Variants in TRPC7 observed in about 807,000 individuals in gnomAD.
The protein encoded by TRPC7 is short transient receptor potential channel 7.
A neutral mutation model predicts 90.1 loss-of-function variants in TRPC7; 42 were observed. The observed-to-expected ratio is 0.47, with a 90% CI of 0.36 to 0.60. The LOEUF (loss-of-function observed/expected upper bound fraction) is 0.60, where lower values mean the gene tolerates loss of function less well. TRPC7 is among the 20% of genes least tolerant of loss of function. TRPC7 has a pLI of 0.00. For missense variants in TRPC7, 955 were observed against 1,112.3 expected (o/e 0.86, Z 2.01); for synonymous variants, 451 against 436.3 (o/e 1.03, Z -0.42).
At chr5:136,309,596 G>T (rs1758761421) in intron 3 of TRPC7, among the ~76,000 whole-genome samples, 1 of 152,150 alleles carries the variant, frequency 6.6e-6, no homozygotes, top group Non-Finnish European at 1.5e-5. Context: ...TTCACTATAA[G>T]TGGCGAGCAG....
intron 5 of TRPC7, among the ~76,000 whole-genome samples, chr5:136,259,343 G>A (rs920660225): frequency 1.3e-5 from 2 of 152,130 alleles, no homozygotes; most frequent in African/African-American, 4.8e-5. Flanking sequence ...CACTGGTTAG[G>A]AACTCATTCA....
intron 10 of TRPC7, among the ~76,000 whole-genome samples, chr5:136,223,617 CAATAAATAAATAA>C (rs1175246375): frequency 1.3e-5 from 2 of 149,612 alleles, no homozygotes; most frequent in Non-Finnish European, 3.0e-5. Context: ...TGTCTAAAAT[CAATAAATAAATAA>C]AGTAAAAAAA....
At chr5:136,230,632 G>T (rs543851304) in intron 8 of TRPC7, among the ~76,000 whole-genome samples, 39 of 152,248 alleles carry the variant, frequency 2.6e-4, no homozygotes, top group African/African-American at 9.1e-4. Context: ...TCCTATTAAT[G>T]CTCAGTTTGT....
At chr5:136,241,869 T>C (rs1228428775) in intron 7 of TRPC7, among the ~76,000 whole-genome samples, 1 of 152,200 alleles carries the variant, frequency 6.6e-6, no homozygotes, top group Admixed American at 6.5e-5. Context: ...GCACCCTTTT[T>C]CTATGCATTG....
intron 7 of TRPC7, among the ~76,000 whole-genome samples, chr5:136,246,083 C>T (rs930905112): frequency 2.0e-5 from 3 of 152,204 alleles, no homozygotes; most frequent in African/African-American, 7.2e-5. Flanking sequence ...GCTCCATCAC[C>T]ACTTCCACGG....
intron 7 of TRPC7, among the ~76,000 whole-genome samples, chr5:136,235,615 T>C (rs766271628): frequency 1.3e-5 from 2 of 152,166 alleles, no homozygotes; most frequent in Non-Finnish European, 2.9e-5. Context: ...ACCCAGGGCA[T>C]GGGGTGGAAA....
At chr5:136,284,842 T>C (rs1757658823) in intron 3 of TRPC7, among the ~76,000 whole-genome samples, 1 of 152,134 alleles carries the variant, frequency 6.6e-6, no homozygotes, top group South Asian at 2.1e-4. Flanking sequence ...CTGCAAAACA[T>C]TTGGGCTCCA....
chr5:136,365,481 C>G lies in TRPC7; in HGVS notation c.-227G>C. On this transcript the variant is annotated 5_prime_UTR_variant, in exon 1 of 12. Coordinates refer to ENST00000513104, the MANE Select transcript of TRPC7 (RefSeq NM_020389.3). ...GCCTTCCGAGGCAGAACCGTGTTACCGTCCTTTTCCTAATCGGGGGGAAAT... is the reference window on the plus strand; with the variant it reads ...GCCTTCCGAGGCAGAACCGTGTTACGGTCCTTTTCCTAATCGGGGGGAAAT... The G allele has an allele frequency of 3.5e-6, 2 of 571,570 alleles. No homozygotes were observed. Among genetic ancestry groups the G allele is most frequent in the Non-Finnish European group, 6.2e-6 (2 of 321,492 alleles). 35.4% of individuals were successfully genotyped at this position (571,570 alleles called of 1,614,324 possible).
At chr5:136,351,193 C>T (rs1014446162) in intron 2 of TRPC7, among the ~76,000 whole-genome samples, 1 of 152,072 alleles carries the variant, frequency 6.6e-6, no homozygotes, top group Non-Finnish European at 1.5e-5. Context: ...GATGTGGAAC[C>T]GTGGATAGAT....
At chr5:136,320,446 TAC>T (rs1234104044) in intron 2 of TRPC7, among the ~76,000 whole-genome samples, 1 of 152,188 alleles carries the variant, frequency 6.6e-6, no homozygotes, top group African/African-American at 2.4e-5. Context: ...GACTTCTCTG[TAC>T]ACCCGCTCCA....
At chr5:136,318,925 C>T (rs1759109694) in intron 2 of TRPC7, among the ~76,000 whole-genome samples, 1 of 152,094 alleles carries the variant, frequency 6.6e-6, no homozygotes, top group Non-Finnish European at 1.5e-5. Context: ...GTCTCTTGTC[C>T]TTCTTTTATT....
intron 2 of TRPC7, among the ~76,000 whole-genome samples, chr5:136,324,191 G>A (rs1462760896): frequency 1.3e-5 from 2 of 151,992 alleles, no homozygotes; most frequent in Non-Finnish European, 2.9e-5. Flanking sequence ...AGTGCCTTTA[G>A]ATTCTTTGGG....
In TRPC7 at chr5:136,356,749, G is replaced by A; in HGVS notation, c.639C>T (p.Ser213=). Reference sequence around the variant, plus strand: ...AGGCGTTCATGCGCGAGCGCGAGTGGCTGAAGGAGTCTTTCCGCTGTTTCT... The same window carrying A: ...AGGCGTTCATGCGCGAGCGCGAGTGACTGAAGGAGTCTTTCCGCTGTTTCT... ...CTEKQRKDSF[S]HSRSRMNAYK... Residue 213 remains serine (S), a synonymous_variant, in exon 2 of 12, where the codon AGC becomes AGT. Coordinates refer to ENST00000513104, the MANE Select transcript of TRPC7 (RefSeq NM_020389.3). 1.2e-6 allele frequency: 2 copies of A among 1,612,564 alleles called. No individual in the cohort carries two copies. Among genetic ancestry groups the A allele is most frequent in the Non-Finnish European group, 8.5e-7 (1 of 1,179,026 alleles).
rs571685498 is a variant in TRPC7, at chr5:136,294,017, C to T, written c.964-19180G>A. Among the ~76,000 whole-genome samples, 29 of 152,120 alleles carry T rather than the reference C, an allele frequency of 1.9e-4. No homozygotes were observed. The East Asian group carries it at 5.4e-3, about 28-fold the overall frequency. ...CTACAACTATCTGATCTTTGACAAA[C>T]CTGAGAAAAACAAGCAATGAGGAAA... On this transcript the variant is annotated intron_variant, in intron 3 of 11. Coordinates refer to ENST00000513104, the MANE Select transcript of TRPC7 (RefSeq NM_020389.3).
chr5:136,224,731 CAA>C (rs1755573228), intron 10 of TRPC7, among the ~76,000 whole-genome samples: 1 of 152,148 alleles, frequency 6.6e-6, no homozygotes, highest in Admixed American at 6.5e-5. Context: ...CCCTCCTGGG[CAA>C]AGTTACCCTC....
At chr5:136,359,589 AG>A (rs1394143247) in intron 1 of TRPC7, among the ~76,000 whole-genome samples, 1 of 152,226 alleles carries the variant, frequency 6.6e-6, no homozygotes, top group Non-Finnish European at 1.5e-5. Flanking sequence ...ACTGTGGATT[AG>A]GAGTCCCAGA....
chr5:136,348,897 A>G (rs1332811514), intron 2 of TRPC7, among the ~76,000 whole-genome samples: 2 of 152,162 alleles, frequency 1.3e-5, no homozygotes, highest in East Asian at 3.9e-4. Flanking sequence ...TATTTTTTTC[A>G]GAGAAAAATC....
chr5:136,220,082 G>A (rs760124833), intron 10 of TRPC7, among the ~76,000 whole-genome samples: 10 of 152,166 alleles, frequency 6.6e-5, no homozygotes, highest in Non-Finnish European at 1.5e-4. Flanking sequence ...TCTTAATCCT[G>A]TTGTCTTTGT....
Position 136,213,629 on chromosome 5 carries a change from T to C in TRPC7, c.2420-25A>G, listed in dbSNP as rs1490997250. 2.5e-6 allele frequency: 4 copies of C among 1,612,718 alleles called. No individual in the cohort carries two copies. The African/African-American group carries it at 4.0e-5, about 16-fold the overall frequency. On this transcript the variant is annotated intron_variant, in intron 11 of 11. Coordinates refer to ENST00000513104, the MANE Select transcript of TRPC7 (RefSeq NM_020389.3). ...CCTGCAAGGACAGAGGAGATTTTGC[T>C]GAGTCTGAGTAGGTGGAAGCTCGGG...
Sources: gnomAD v4.1 joint callset for allele counts (sites outside exome capture counted in the v4.1 genomes callset) on GRCh38, gnomAD v4.1.1 for gene constraint, MANE v1.5 for transcripts, NCBI Gene and HGNC (gene_info 2026-07-23, HGNC 2026-07-21) for gene names.